The following ADI1 variants were observed in gnomAD, a reference collection of about 807,000 sequenced individuals.
ADI1 encodes the protein acireductone dioxygenase 1.
A neutral mutation model predicts 18.7 loss-of-function variants in ADI1; 21 were observed. The ratio of observed to expected loss-of-function variants is 1.13; its 90% CI spans 0.80 to 1.62. The LOEUF (loss-of-function observed/expected upper bound fraction) is 1.62. Ranked by LOEUF, ADI1 falls within the 40% of genes most tolerant of loss-of-function variation. ADI1 has a pLI of 0.00. For synonymous variants in ADI1, 90 were observed against 100.1 expected, an observed-to-expected ratio of 0.90 and a Z score of 0.60; for missense variants, 245 against 254.9, an observed-to-expected ratio of 0.96 and a Z score of 0.26.
At chr2:3,517,135 A>T (rs1333492387) in intron 1 of ADI1, 1 of 155,686 alleles carries the variant, frequency 6.4e-6, no homozygotes, top group Non-Finnish European at 1.4e-5. Flanking sequence ...ACTTTAAAGA[A>T]GGAGGTGCAT....
At chr2:3,503,167 G>A (rs561056126) in intron 2 of ADI1, among the ~76,000 whole-genome samples, 2 of 151,328 alleles carry the variant, frequency 1.3e-5, no homozygotes, top group East Asian at 2.0e-4. Context: ...TCTCACATGC[G>A]TACATTCACA....
In ADI1 at chr2:3,513,856, C is replaced by A. The variant is rs1174077773; in HGVS notation, c.240+1G>T. 2 of 1,598,516 alleles carry A rather than the reference C, an allele frequency of 1.3e-6. No homozygotes were observed. Among genetic ancestry groups the A allele is most frequent in the Non-Finnish European group, 1.7e-6 (2 of 1,176,178 alleles). ...TTCCAGGTAATCCAGGGCTCCCTTA[C>A]CTTTTCTTCATAATTTGGTAGTTTA... is the stretch of plus-strand genomic sequence containing the variant. On this transcript the variant is annotated splice_donor_variant, in intron 2 of 3. Coordinates refer to ENST00000327435, the MANE Select transcript of ADI1 (RefSeq NM_018269.4). LOFTEE classifies it high-confidence loss of function.
intron 2 of ADI1, among the ~76,000 whole-genome samples, chr2:3,503,468 C>T (rs1375808475): frequency 7.3e-6 from 1 of 136,640 alleles, no homozygotes; most frequent in Non-Finnish European, 1.5e-5. Flanking sequence ...TACACTCACA[C>T]GTGTGCATTC....
chr2:3,510,655 T>A (rs1010783721), intron 2 of ADI1, among the ~76,000 whole-genome samples: 2 of 152,194 alleles, frequency 1.3e-5, no homozygotes, highest in Non-Finnish European at 2.9e-5. Flanking sequence ...ATATTCCAAA[T>A]ATTTTTATGG....
intron 1 of ADI1, among the ~76,000 whole-genome samples, chr2:3,518,830 G>A (rs543978183): frequency 2.6e-5 from 4 of 152,352 alleles, no homozygotes; most frequent in East Asian, 1.9e-4. Context: ...GCCCGCCTCC[G>A]GCGAATCTTG....
At chr2:3,508,334 C>CAAAAAAAAAAAAAAAAAAA (rs33977448) in intron 2 of ADI1, among the ~76,000 whole-genome samples, 11 of 26,924 alleles carry the variant, frequency 4.1e-4, no homozygotes, top group Non-Finnish European at 6.9e-4. Context: ...GACTCTGTCT[C>CAAAAAAAAAAAAAAAAAAA]AAAAAAAAAA....
intron 1 of ADI1, chr2:3,516,152 G>A (rs939483509): frequency 1.5e-6 from 1 of 679,228 alleles, no homozygotes; most frequent in African/African-American, 1.9e-5. Context: ...ATTAAGTCAT[G>A]AGGGCAAGCC....
At chr2:3,516,575 G>T in intron 1 of ADI1, 2 of 316,210 alleles carry the variant, frequency 6.3e-6, no homozygotes, top group Non-Finnish European at 9.1e-6. Flanking sequence ...CGTCTATGAG[G>T]ACAGGATCCT....
In ADI1 at chr2:3,516,878, T is replaced by C. The variant is rs541026127; in HGVS notation, c.120+2490A>G. On this transcript the variant is annotated intron_variant, in intron 1 of 3. Transcript: ENST00000327435. ...TAAAAATTATGGGAGATGTTACATA[T>C]ATATAATGTTAATATGGGGTGTGTG... is the stretch of plus-strand genomic sequence containing the variant. The C allele has an allele frequency of 8.5e-5, 84 of 985,058 alleles. No homozygotes were observed. In the South Asian group the frequency reaches 3.8e-3, roughly 44 times the overall value. The allele number at this position is 985,058 out of a possible 1,614,324, so 61.0% of individuals were successfully genotyped here. A position where few individuals can be genotyped will look rare whatever the true frequency, so the allele number is the denominator to read the frequency against.
intron 1 of ADI1, among the ~76,000 whole-genome samples, chr2:3,518,974 G>C (rs1477627883): frequency 2.0e-5 from 3 of 147,786 alleles, no homozygotes; most frequent in Admixed American, 2.0e-4. Context: ...CAACAGAAAC[G>C]GACCGCCGAC....
intron 3 of ADI1, 119 bp downstream of exon 3, chr2:3,500,695 A>G (rs760617693): frequency 6.9e-6 from 9 of 1,300,058 alleles, no homozygotes. Context: ...CAGGTCGAGG[A>G]GTCCCGAGCC....
Position 3,497,455 on chromosome 2 carries a change from C to G in ADI1, c.*1508G>C, listed in dbSNP as rs973685204. 1 of 152,206 alleles carries G rather than the reference C, an allele frequency of 6.6e-6. No individual in the cohort carries two copies. Among genetic ancestry groups the G allele is most frequent in the African/African-American group, 2.4e-5 (1 of 41,456 alleles). 9.4% of individuals were successfully genotyped at this position (152,206 alleles called of 1,614,324 possible). ...ATCCTGGGAAAAGAAAATGTGATTT[C>G]ACCTTAAGTGCTTTAGCAGAATTCT... On this transcript the variant is annotated 3_prime_UTR_variant, in exon 4 of 4. Coordinates refer to ENST00000327435, the MANE Select transcript of ADI1 (RefSeq NM_018269.4).
At chr2:3,511,747 GGAAA>G (rs1667298826) in intron 2 of ADI1, among the ~76,000 whole-genome samples, 1 of 152,184 alleles carries the variant, frequency 6.6e-6, no homozygotes, top group Non-Finnish European at 1.5e-5. Context: ...GGAAGATGAG[GGAAA>G]GTTTGGAACT....
chr2:3,519,038 G>A (rs1024339345), intron 1 of ADI1, among the ~76,000 whole-genome samples: 1 of 149,818 alleles, frequency 6.7e-6, no homozygotes, highest in African/African-American at 2.5e-5. Context: ...GCCGGAAGCC[G>A]ACCGCCAACC....
intron 2 of ADI1, among the ~76,000 whole-genome samples, chr2:3,512,483 G>C (rs532957522): frequency 6.6e-6 from 1 of 152,188 alleles, no homozygotes; most frequent in Non-Finnish European, 1.5e-5. Flanking sequence ...CCAGCTGCTC[G>C]GGTTCTGCTA....
Position 3,513,741 on chromosome 2 carries a change from T to C in ADI1, c.240+116A>G, listed in dbSNP as rs182891216. The C allele has an allele frequency of 4.7e-4, 536 of 1,150,424 alleles. 1 individual carries two copies. The Middle Eastern group carries it at 4.7e-3, about 10-fold the overall frequency. The allele number at this position is 1,150,424 out of a possible 1,614,324, so 71.3% of individuals were successfully genotyped here. ...TTACACAGTTTCAGGTATTTATTTA[T>C]AGCAAAGCAAGAATGGCCTCATACA... On this transcript the variant is annotated intron_variant, in intron 2 of 3. Transcript: ENST00000327435.
Position 3,498,740 on chromosome 2 carries a change from C to A in ADI1, c.*223G>T. 1 of 615,806 alleles carries A rather than the reference C, an allele frequency of 1.6e-6. No individual in the cohort carries two copies. Among genetic ancestry groups the A allele is most frequent in the Non-Finnish European group, 2.6e-6 (1 of 380,806 alleles). 38.1% of individuals were successfully genotyped at this position (615,806 alleles called of 1,614,324 possible). On this transcript the variant is annotated 3_prime_UTR_variant, in exon 4 of 4. Coordinates refer to ENST00000327435, the MANE Select transcript of ADI1 (RefSeq NM_018269.4). ...GAACTAACACAGGGCCATGGACCCA[C>A]CAGTCTTGATTGAGTTACAGAAAAT...
chr2:3,514,046 G>T, intron 1 of ADI1, 70 bp from the exon 2 acceptor site: 2 of 1,502,414 alleles, frequency 1.3e-6, no homozygotes, highest in Admixed American at 2.4e-5. Context: ...TCTCTTTCTG[G>T]ATCTCCAATA....
chr2:3,498,248 T>A lies in ADI1; in HGVS notation c.*715A>T, dbSNP rs999442777. On this transcript the variant is annotated 3_prime_UTR_variant, in exon 4 of 4. Coordinates refer to ENST00000327435, the MANE Select transcript of ADI1 (RefSeq NM_018269.4). The stretch of plus-strand genomic sequence containing the variant: ...ATCTCGGAATTGTTGAGTAGAAAAT[T>A]TATGTACTAATACTCCTGTTAAAAT... 2 of 152,200 alleles carry A rather than the reference T, an allele frequency of 1.3e-5. No individual in the cohort carries two copies. The highest frequency in any genetic ancestry group is 2.9e-5 in the Non-Finnish European group (2 of 68,038). The allele number at this position is 152,200 out of a possible 1,614,324, so 9.4% of individuals were successfully genotyped here.
Sources: gnomAD v4.1 joint callset for allele counts (sites outside exome capture counted in the v4.1 genomes callset) on GRCh38, gnomAD v4.1.1 for gene constraint, MANE v1.5 for transcripts, NCBI Gene and HGNC (gene_info 2026-07-23, HGNC 2026-07-21) for gene names.